Variants in PCDHGB3 observed in about 807,000 individuals in gnomAD.
The protein encoded by PCDHGB3 is protocadherin gamma subfamily B, 3, also known as protocadherin gamma-B3.
Under a neutral mutation model 59.2 loss-of-function variants are expected in PCDHGB3, and 40 were observed. The observed-to-expected ratio is 0.68, with a 90% CI of 0.52 to 0.88. The LOEUF is 0.88. Ranked by LOEUF, PCDHGB3 falls within the 40% of genes least tolerant of loss-of-function variation. The pLI is 0.00. For missense variants in PCDHGB3, 1,309 were observed against 1,187.9 expected (o/e 1.10, Z -1.50); for synonymous variants, 581 against 503.6 (o/e 1.15, Z -2.06).
intron 1 of PCDHGB3, chr5:141,422,865 C>G: frequency 1.2e-6 from 2 of 1,614,244 alleles, no homozygotes; most frequent in Non-Finnish European, 1.7e-6. Context: ...TCAGCAGCAA[C>G]GTGTCGCTGA....
At chr5:141,394,519 C>A (rs1462431722) in intron 1 of PCDHGB3, 1 of 1,614,240 alleles carries the variant, frequency 6.2e-7, no homozygotes, top group South Asian at 1.1e-5. Context: ...GCCCTCCCCA[C>A]AGACGGTTCC....
chr5:141,446,251 A>G (rs979768028), intron 1 of PCDHGB3, among the ~76,000 whole-genome samples: 1 of 152,178 alleles, frequency 6.6e-6, no homozygotes, highest in Admixed American at 6.5e-5. Context: ...ATCTTCAGTG[A>G]AATATTATTA....
chr5:141,393,098 C>G (rs1172367083), intron 1 of PCDHGB3: 1 of 1,613,610 alleles, frequency 6.2e-7, no homozygotes, highest in African/African-American at 1.3e-5. Flanking sequence ...GGGAGGAGCT[C>G]TGCGCTCAGA....
rs143779180 is a variant in PCDHGB3 at position 141,485,438 on chromosome 5, C to A, written c.2416-9369C>A. The A allele has an allele frequency of 9.9e-6, 16 of 1,614,170 alleles. No individual in the cohort carries two copies. The African/African-American group carries it at 1.3e-4, about 13-fold the overall frequency. Reference sequence around the variant, plus strand: ...CAGCGGAGCCCTGCTCATCAAGAACCCAATCGACCGAGAGGCACTGTGTGG... The same window carrying A: ...CAGCGGAGCCCTGCTCATCAAGAACACAATCGACCGAGAGGCACTGTGTGG... On this transcript the variant is annotated intron_variant, in intron 1 of 3. Coordinates refer to ENST00000576222, the MANE Select transcript of PCDHGB3 (RefSeq NM_018924.5). The surrounding 1 kb of genome is among the most constrained non-coding windows in gnomAD (Gnocchi z 5.7).
At chr5:141,390,373 ATT>A in intron 1 of PCDHGB3, 3 of 1,481,208 alleles carry the variant, frequency 2.0e-6, no homozygotes, top group Non-Finnish European at 2.8e-6. Flanking sequence ...AAAATATATA[ATT>A]TTTAGATGTC....
At chr5:141,404,196 C>T in intron 1 of PCDHGB3, 3 of 1,613,466 alleles carry the variant, frequency 1.9e-6, no homozygotes, top group Non-Finnish European at 1.7e-6. Context: ...CGAGAAAAAG[C>T]CTCAGAATAT....
At position 141,489,068 on chromosome 5, in the gene PCDHGB3, G is replaced by GGCCCC; in HGVS notation, c.2416-5739_2416-5738insGCCCC. On this transcript the variant is annotated intron_variant, in intron 1 of 3. Coordinates refer to ENST00000576222, the MANE Select transcript of PCDHGB3 (RefSeq NM_018924.5). This position sits in a 1 kb window ranked among gnomAD's most constrained non-coding sequence, Gnocchi z 4.5. ...CTCAAATTCAGCTCCCCTCCCCCCT[G>GGCCCC]CCCACCCCCGCCACTCGGTGACTAA... 3.4e-6 allele frequency: 1 copy of GGCCCC among 291,558 alleles called. No individual in the cohort carries two copies. 18.1% of individuals were successfully genotyped at this position (291,558 alleles called of 1,614,324 possible). A position where few individuals can be genotyped will look rare whatever the true frequency, so the allele number is the denominator to read the frequency against.
At position 141,489,244 on chromosome 5, in the gene PCDHGB3, G is replaced by A. The variant is rs145484133; in HGVS notation, c.2416-5563G>A. ...TCCACAAAGGGACTTCTGGGTCATG[G>A]GGCCCAAGACACTCCCACAGCTCGC... On this transcript the variant is annotated intron_variant, in intron 1 of 3. Coordinates refer to ENST00000576222, the MANE Select transcript of PCDHGB3 (RefSeq NM_018924.5). This position sits in a 1 kb window ranked among gnomAD's most constrained non-coding sequence, Gnocchi z 4.5. 5 of 1,534,936 alleles carry A rather than the reference G, an allele frequency of 3.3e-6. No individual in the cohort carries two copies. In the African/African-American group the frequency reaches 5.5e-5, roughly 17 times the overall value.
intron 1 of PCDHGB3, chr5:141,405,444 G>C: frequency 7.2e-7 from 1 of 1,379,466 alleles, no homozygotes; most frequent in Non-Finnish European, 1.0e-6. Flanking sequence ...TTTTGAGACA[G>C]AGTCTTACTC....
chr5:141,431,724 T>G lies in PCDHGB3; in HGVS notation c.2415+58915T>G, dbSNP rs758754345. On this transcript the variant is annotated intron_variant, in intron 1 of 3. Transcript: ENST00000576222. The surrounding 1 kb of genome is among the most constrained non-coding windows in gnomAD (Gnocchi z 4.8). ...TTCTACCAGATGGAAGTGCAAGCAA[T>G]GGATAATGCAGGATATTCTGCGCGA... 1 of 1,614,036 alleles carries G rather than the reference T, an allele frequency of 6.2e-7. No individual in the cohort carries two copies. Among genetic ancestry groups the G allele is most frequent in the Non-Finnish European group, 8.5e-7 (1 of 1,180,036 alleles).
intron 2 of PCDHGB3, among the ~76,000 whole-genome samples, chr5:141,497,248 G>A (rs1442942520): frequency 6.6e-6 from 1 of 152,128 alleles, no homozygotes; most frequent in African/African-American, 2.4e-5. Context: ...AGGAGGAGGT[G>A]ACATTGAGAA....
intron 1 of PCDHGB3, among the ~76,000 whole-genome samples, chr5:141,429,660 ATATAT>A (rs1388009014): frequency 1.3e-5 from 2 of 152,336 alleles, no homozygotes; most frequent in African/African-American, 4.8e-5. Flanking sequence ...CCAATTTAAA[ATATAT>A]TATTTTATTT....
rs1394525404 is a variant in PCDHGB3, at chr5:141,370,659, C to T, written c.265C>T (p.Arg89Cys). Residue 89 changes from arginine to cysteine, a missense_variant, in exon 1 of 4, where the codon CGT (arginine) becomes TGT (cysteine). Transcript: ENST00000576222. Reference protein sequence around the residue: ...PENGNLLVSDRIDREEICGKK... With the variant: ...PENGNLLVSDCIDREEICGKK... ...AAATGGGAACTTACTTGTGAGCGACCGTATAGACCGAGAGGAGATTTGTGG... is the reference window on the plus strand; with the variant it reads ...AAATGGGAACTTACTTGTGAGCGACTGTATAGACCGAGAGGAGATTTGTGG... 6.2e-7 allele frequency: 1 copy of T among 1,613,780 alleles called. No homozygotes were observed. Among genetic ancestry groups the T allele is most frequent in the South Asian group, 1.1e-5 (1 of 91,074 alleles).
chr5:141,413,190 G>A (rs965319802), intron 1 of PCDHGB3: 11 of 1,607,556 alleles, frequency 6.8e-6, no homozygotes, highest in East Asian at 2.2e-5. Flanking sequence ...CCGCTCAAAG[G>A]AATCGCTCAA....
chr5:141,382,326 T>G (rs1007367155), intron 1 of PCDHGB3, among the ~76,000 whole-genome samples: 1 of 152,352 alleles, frequency 6.6e-6, no homozygotes, highest in Admixed American at 6.5e-5. Context: ...TGTAAATATT[T>G]TCTAAGTAAA....
chr5:141,408,279 A>G (rs1313502495), intron 1 of PCDHGB3: 1 of 1,612,184 alleles, frequency 6.2e-7, no homozygotes, highest in Admixed American at 1.7e-5. Flanking sequence ...CCTTTGTTCT[A>G]CCCCACCCTG....
rs1228771998 is a variant in PCDHGB3 at position 141,477,832 on chromosome 5, A to G, written c.2416-16975A>G. The stretch of plus-strand genomic sequence containing the variant: ...CCCCCCAGGTCCTATATCCTCGGCC[A>G]GGTGGGAGCTCGGTGGAGATGCTGC... On this transcript the variant is annotated intron_variant, in intron 1 of 3. Transcript: ENST00000576222. This position sits in a 1 kb window ranked among gnomAD's most constrained non-coding sequence, Gnocchi z 4.9. 1.2e-6 allele frequency: 2 copies of G among 1,614,166 alleles called. No homozygotes were observed. Among genetic ancestry groups the G allele is most frequent in the South Asian group, 1.1e-5 (1 of 91,086 alleles).
At chr5:141,392,802 A>C in intron 1 of PCDHGB3, 2 of 1,572,582 alleles carry the variant, frequency 1.3e-6, no homozygotes, top group Non-Finnish European at 1.7e-6. Flanking sequence ...AGGATTCTGC[A>C]GCAAAACAAC....
intron 1 of PCDHGB3, chr5:141,408,314 C>A (rs1408322838): frequency 1.2e-6 from 2 of 1,613,846 alleles, no homozygotes; most frequent in Admixed American, 3.3e-5. Context: ...CTACTCGATT[C>A]CGGAGGAGCT....
Sources: allele counts gnomAD v4.1 joint callset (sites outside exome capture counted in the v4.1 genomes callset), GRCh38; gene constraint gnomAD v4.1.1; non-coding constraint Gnocchi (gnomAD v3.1); transcripts MANE v1.5; gene names NCBI Gene and HGNC (gene_info 2026-07-23, HGNC 2026-07-21).